Variants in GSK3B observed in about 807,000 individuals in gnomAD.
GSK3B encodes the protein glycogen synthase kinase 3 beta.
Under a neutral mutation model 56.4 loss-of-function variants are expected in GSK3B, and 15 were observed. That is an observed-to-expected ratio of 0.27 (90% confidence interval 0.18 to 0.41). The LOEUF is 0.41. Ranked by LOEUF, GSK3B falls within the 10% of genes least tolerant of loss-of-function variation. The pLI, the probability that GSK3B is intolerant of heterozygous loss-of-function variation, is 1.00. For synonymous variants in GSK3B, 181 were observed against 188.9 expected (o/e 0.96, Z 0.34); for missense variants, 300 against 513.4 (o/e 0.58, Z 4.02).
chr3:119,960,926 A>G (rs1395517705), intron 2 of GSK3B, among the ~76,000 whole-genome samples: 1 of 152,212 alleles, frequency 6.6e-6, no homozygotes, highest in Non-Finnish European at 1.5e-5. Context: ...ATATCAACTC[A>G]ATAATCTATG....
At chr3:119,925,697 T>C (rs2056883155) in intron 3 of GSK3B, among the ~76,000 whole-genome samples, 1 of 151,236 alleles carries the variant, frequency 6.6e-6, no homozygotes, top group Non-Finnish European at 1.5e-5. Context: ...CTATTATTTC[T>C]CCCATCTTAA....
At chr3:119,968,372 A>G (rs536855897) in intron 2 of GSK3B, among the ~76,000 whole-genome samples, 1 of 152,328 alleles carries the variant, frequency 6.6e-6, no homozygotes, top group East Asian at 1.9e-4. Flanking sequence ...CTACTGACCA[A>G]TCTCTTACAA....
chr3:119,829,405 G>C (rs900608131), intron 10 of GSK3B, among the ~76,000 whole-genome samples: 1 of 152,142 alleles, frequency 6.6e-6, no homozygotes, highest in African/African-American at 2.4e-5. Context: ...ATAACAGGTA[G>C]AACTGTCATT....
At chr3:119,842,853 T>C (rs1360822146) in intron 10 of GSK3B, among the ~76,000 whole-genome samples, 1 of 152,184 alleles carries the variant, frequency 6.6e-6, no homozygotes, top group Admixed American at 6.5e-5. Flanking sequence ...TTTTGATATA[T>C]AAAAGATATT....
At chr3:119,888,476 C>CT (rs56084031) in intron 7 of GSK3B, among the ~76,000 whole-genome samples, 2 of 151,714 alleles carry the variant, frequency 1.3e-5, no homozygotes, top group African/African-American at 4.8e-5. Flanking sequence ...TTATGCCTGT[C>CT]TTTTTTTTAC....
chr3:119,986,576 G>GA (rs963957006), intron 2 of GSK3B, among the ~76,000 whole-genome samples: 1 of 151,636 alleles, frequency 6.6e-6, no homozygotes, highest in South Asian at 2.1e-4. Context: ...ACAGACACAC[G>GA]AAAAAATGCT....
intron 2 of GSK3B, among the ~76,000 whole-genome samples, chr3:119,997,442 A>G (rs149674784): frequency 1.1e-3 from 169 of 152,350 alleles, no homozygotes; most frequent in African/African-American, 4.0e-3. Flanking sequence ...AAAAGTAAGA[A>G]AAGTTTAAAA....
At chr3:119,962,236 G>A (rs557573381) in intron 2 of GSK3B, among the ~76,000 whole-genome samples, 3 of 152,100 alleles carry the variant, frequency 2.0e-5, no homozygotes, top group South Asian at 2.1e-4. Flanking sequence ...TTAGCCAAGC[G>A]TGGTGGTGCA....
intron 2 of GSK3B, among the ~76,000 whole-genome samples, chr3:119,961,920 C>A (rs1278761484): frequency 1.3e-5 from 2 of 152,112 alleles, no homozygotes. Context: ...CACCTGCAGG[C>A]CAACATAGGT....
intron 9 of GSK3B, among the ~76,000 whole-genome samples, chr3:119,855,091 A>C (rs2055998463): frequency 6.6e-6 from 1 of 152,172 alleles, no homozygotes; most frequent in Non-Finnish European, 1.5e-5. Context: ...GCTGCTTTAA[A>C]TGTGTCCCAG....
At chr3:119,923,067 A>G (rs531273139) in intron 4 of GSK3B, among the ~76,000 whole-genome samples, 1 of 152,328 alleles carries the variant, frequency 6.6e-6, no homozygotes, top group African/African-American at 2.4e-5. Flanking sequence ...TTTGTGGCAC[A>G]ATAAAGATAT....
chr3:120,028,638 T>C (rs1439772324), intron 1 of GSK3B: 1 of 324,090 alleles, frequency 3.1e-6, no homozygotes, highest in African/African-American at 2.1e-5. Context: ...CTCCCCCAAA[T>C]ATGCTACTTT....
chr3:120,085,810 A>ACT (rs2058458835), intron 1 of GSK3B, among the ~76,000 whole-genome samples: 1 of 150,214 alleles, frequency 6.7e-6, no homozygotes, highest in South Asian at 2.1e-4. Context: ...CGTCTTGAGA[A>ACT]AAAAAAAAAA....
intron 8 of GSK3B, among the ~76,000 whole-genome samples, chr3:119,873,839 G>C (rs935033769): frequency 1.3e-5 from 2 of 152,060 alleles, no homozygotes; most frequent in Non-Finnish European, 2.9e-5. Flanking sequence ...ATTACATAAT[G>C]CATGTGTATG....
chr3:120,038,565 G>T (rs1416711794), intron 1 of GSK3B, among the ~76,000 whole-genome samples: 1 of 152,088 alleles, frequency 6.6e-6, no homozygotes, highest in African/African-American at 2.4e-5. Flanking sequence ...CATCAAAAAG[G>T]GATGGCAGTC....
At chr3:119,871,397 T>C (rs941677321) in intron 8 of GSK3B, among the ~76,000 whole-genome samples, 2 of 152,236 alleles carry the variant, frequency 1.3e-5, no homozygotes, top group African/African-American at 4.8e-5. Flanking sequence ...ACAGACACTT[T>C]ACTATTAAGT....
At chr3:120,073,854 T>C (rs2058347405) in intron 1 of GSK3B, among the ~76,000 whole-genome samples, 1 of 152,088 alleles carries the variant, frequency 6.6e-6, no homozygotes, top group Non-Finnish European at 1.5e-5. Flanking sequence ...TTGCTTAAAA[T>C]AGAGAATAGA....
chr3:119,947,893 A>G (rs528856926), intron 2 of GSK3B, among the ~76,000 whole-genome samples: 3 of 151,836 alleles, frequency 2.0e-5, no homozygotes, highest in Non-Finnish European at 2.9e-5. Context: ...AAAAAGAAAG[A>G]AAAGAAAAGA....
intron 9 of GSK3B, among the ~76,000 whole-genome samples, chr3:119,844,605 A>T (rs992984976): frequency 3.9e-5 from 6 of 152,214 alleles, no homozygotes; most frequent in Non-Finnish European, 8.8e-5. Flanking sequence ...TCCTGGACAC[A>T]TACACCCTCC....
Sources: allele counts gnomAD v4.1 joint callset (sites outside exome capture counted in the v4.1 genomes callset), GRCh38; gene constraint gnomAD v4.1.1; transcripts MANE v1.5; gene names NCBI Gene and HGNC (gene_info 2026-07-23, HGNC 2026-07-21).